FASTKD1: variants seen among roughly 807,000 people sequenced by gnomAD.
The protein encoded by FASTKD1 is FAST kinase domain-containing protein 1, mitochondrial.
In FASTKD1, 94 loss-of-function variants were observed where a neutral mutation model predicts 90.9. That is an observed-to-expected ratio of 1.03 (90% CI 0.88 to 1.23). FASTKD1 has a LOEUF of 1.23. FASTKD1 is among the 50% of genes most tolerant of loss of function. The pLI, the probability that FASTKD1 is intolerant of heterozygous loss-of-function variation, is 0.00. For missense variants in FASTKD1, 945 were observed against 993.5 expected (o/e 0.95, Z 0.66); for synonymous variants, 319 against 345.8 (o/e 0.92, Z 0.86).
intron 12 of FASTKD1, among the ~76,000 whole-genome samples, chr2:169,532,069 T>C (rs1358225829): frequency 6.6e-6 from 1 of 152,150 alleles, no homozygotes; most frequent in East Asian, 1.9e-4. Flanking sequence ...ACAGGGGAAC[T>C]TTCTGTTGAA....
Position 169,539,957 on chromosome 2 carries a change from G to A in FASTKD1, c.1945+94C>T, listed in dbSNP as rs992800228. 2.7e-5 allele frequency: 18 copies of A among 677,502 alleles called. No homozygotes were observed. In the African/African-American group the frequency reaches 3.4e-4, roughly 13 times the overall value. The allele number at this position is 677,502 out of a possible 1,614,324, so 42.0% of individuals were successfully genotyped here. ...TGAATACTATTAGAAACAGAAAAAAGTTATTAACATTAAAATTCTTCAGTA... is the reference window on the plus strand; with the variant it reads ...TGAATACTATTAGAAACAGAAAAAAATTATTAACATTAAAATTCTTCAGTA... On this transcript the variant is annotated intron_variant, in intron 10 of 14. Transcript: ENST00000453153.
chr2:169,534,415 C>G lies in FASTKD1; in HGVS notation c.2188+2812G>C, dbSNP rs1464549617. Among the ~76,000 whole-genome samples, 3 of 149,930 alleles carry G rather than the reference C, an allele frequency of 2.0e-5. No homozygotes were observed. The East Asian group carries it at 5.8e-4, about 29-fold the overall frequency. On this transcript the variant is annotated intron_variant, in intron 12 of 14. Transcript: ENST00000453153. ...TGTTGGTATCTCGAGCTTGGACTTC[C>G]TAGCCTCCAGAACTGTGAAAAATAA...
At chr2:169,538,722 T>TTGG in intron 10 of FASTKD1, among the ~76,000 whole-genome samples, 1 of 149,342 alleles carries the variant, frequency 6.7e-6, no homozygotes, top group African/African-American at 2.5e-5. Context: ...TTCATTCACC[T>TTGG]AATATTCCAC....
chr2:169,570,513 C>A (rs1326548596), intron 2 of FASTKD1, among the ~76,000 whole-genome samples: 1 of 152,016 alleles, frequency 6.6e-6, no homozygotes, highest in Non-Finnish European at 1.5e-5. Flanking sequence ...TCTACAAAAT[C>A]ATTTTATTTC....
intron 9 of FASTKD1, among the ~76,000 whole-genome samples, chr2:169,544,088 G>C (rs186008398): frequency 7.2e-5 from 11 of 152,246 alleles, no homozygotes; most frequent in Admixed American, 6.5e-4. Context: ...AAAGTAATTA[G>C]GGATGGAGGG....
At chr2:169,569,011 A>AC (rs1684118147) in intron 3 of FASTKD1, among the ~76,000 whole-genome samples, 173 bp downstream of exon 3, 3 of 149,032 alleles carry the variant, frequency 2.0e-5, no homozygotes, top group Non-Finnish European at 4.5e-5. Context: ...AAAAAAAAAA[A>AC]AAAACAACAA....
In FASTKD1 at chr2:169,544,886, C is replaced by G. The variant is rs1559144003; in HGVS notation, c.1702-51G>C. ...TAGTTTAAACTTTAGGAAAATAAGA[C>G]AAAATTTTAACCTAATTATTTTTTA... On this transcript the variant is annotated intron_variant, in intron 8 of 14. Transcript: ENST00000453153. 2.9e-6 allele frequency: 3 copies of G among 1,032,760 alleles called. No homozygotes were observed. In the Admixed American group the frequency reaches 7.3e-5, roughly 25 times the overall value. The allele number at this position is 1,032,760 out of a possible 1,614,324, so 64.0% of individuals were successfully genotyped here.
chr2:169,542,815 T>A (rs922862382), intron 9 of FASTKD1, among the ~76,000 whole-genome samples: 1 of 152,302 alleles, frequency 6.6e-6, no homozygotes, highest in Non-Finnish European at 1.5e-5. Flanking sequence ...AAGAAACATT[T>A]TTTTACTTTT....
intron 10 of FASTKD1, among the ~76,000 whole-genome samples, chr2:169,539,654 A>T (rs1684880913): frequency 6.6e-6 from 1 of 151,870 alleles, no homozygotes; most frequent in African/African-American, 2.4e-5. Flanking sequence ...GGTCCCAGCT[A>T]CTTGGAAGGC....
At chr2:169,535,046 T>C (rs931760355) in intron 12 of FASTKD1, among the ~76,000 whole-genome samples, 1 of 152,184 alleles carries the variant, frequency 6.6e-6, no homozygotes, top group Non-Finnish European at 1.5e-5. Context: ...TAAAAAGAGA[T>C]GGCTTCTCAC....
rs562463569 is a variant in FASTKD1, at chr2:169,531,971, A to G, written c.2189-481T>C. On this transcript the variant is annotated intron_variant, in intron 12 of 14. Transcript: ENST00000453153. ...AATGTAGAAGGCATGATAGATGTAG[A>G]ATATCGCTACTTTACCACCCCTCTG... Among the ~76,000 whole-genome samples the G allele has an allele frequency of 5.5e-4, 84 of 152,356 alleles. No individual in the cohort carries two copies. The Middle Eastern group carries it at 0.017, about 31-fold the overall frequency.
intron 5 of FASTKD1, among the ~76,000 whole-genome samples, chr2:169,559,990 T>C (rs970873622): frequency 6.6e-6 from 1 of 152,140 alleles, no homozygotes; most frequent in African/African-American, 2.4e-5. Flanking sequence ...TGATGATTAT[T>C]GTGATGAAGA....
chr2:169,559,234 A>C (rs1311439463), intron 5 of FASTKD1, among the ~76,000 whole-genome samples: 1 of 151,866 alleles, frequency 6.6e-6, no homozygotes, highest in Non-Finnish European at 1.5e-5. Context: ...TGGCCTCCCA[A>C]AGTGCTGGGA....
chr2:169,560,449 A>T lies in FASTKD1; in HGVS notation c.909T>A (p.Pro303=). The T allele has an allele frequency of 3.2e-6, 5 of 1,584,926 alleles. No individual in the cohort carries two copies. Among genetic ancestry groups the T allele is most frequent in the Non-Finnish European group, 4.3e-6 (5 of 1,171,394 alleles). Residue 303 remains proline, a synonymous_variant, in exon 5 of 15, where the codon CCT becomes CCA. Transcript: ENST00000453153. ...CTACAAACAATTTTACAAAGCTAGC[A>T]GGATGATTACACAGAGGAATCATTT... ...LTEMIPLCNH[P]ASFVKLFVAL... is the part of the protein sequence containing the mutation.
intron 11 of FASTKD1, 43 bp from the exon 12 acceptor site, chr2:169,537,383 T>A (rs756831991): frequency 7.4e-7 from 1 of 1,356,024 alleles, no homozygotes; most frequent in South Asian, 1.3e-5. Flanking sequence ...ATCTTTTTTT[T>A]CTTTTTTTTT....
In FASTKD1 at chr2:169,555,275, T is replaced by C. The variant is rs555770733; in HGVS notation, c.1083-20A>G. The C allele has an allele frequency of 4.4e-6, 7 of 1,588,582 alleles. No individual in the cohort carries two copies. The Admixed American group carries it at 1.2e-4, about 28-fold the overall frequency. The stretch of plus-strand genomic sequence containing the variant: ...GTAACTCTAAAAAGGATAGAGCATA[T>C]ATTATAACCAGTTCATTCATTTATT... On this transcript the variant is annotated intron_variant, in intron 6 of 14. Transcript: ENST00000453153.
At chr2:169,570,611 A>G (rs1381555193) in intron 2 of FASTKD1, among the ~76,000 whole-genome samples, 1 of 152,136 alleles carries the variant, frequency 6.6e-6, no homozygotes, top group African/African-American at 2.4e-5. Context: ...TAATTACAAT[A>G]ACGAGATTGC....
chr2:169,537,064 A>AG (rs1212197372), intron 12 of FASTKD1, 163 bp downstream of exon 12: 2 of 465,106 alleles, frequency 4.3e-6, no homozygotes, highest in Non-Finnish European at 7.6e-6. Flanking sequence ...CGGGAACTTG[A>AG]GGATTTATTC....
rs537892134 is a variant in FASTKD1, at chr2:169,553,714, G to A, written c.1214+1410C>T. 7.2e-5 allele frequency among the ~76,000 whole-genome samples: 11 copies of A among 151,806 alleles called. 1 individual carries two copies. The South Asian group carries it at 2.1e-3, about 29-fold the overall frequency. ...GGGCAGACCACGGGGTCAGAAGATC[G>A]AGACCATCCTGGCTAACACAGTGAA... On this transcript the variant is annotated intron_variant, in intron 7 of 14. Transcript: ENST00000453153.
Sources: gnomAD v4.1 joint callset for allele counts (sites outside exome capture counted in the v4.1 genomes callset) on GRCh38, gnomAD v4.1.1 for gene constraint, MANE v1.5 for transcripts, NCBI Gene and HGNC (gene_info 2026-07-23, HGNC 2026-07-21) for gene names.